ARHGEF28: variants seen among roughly 807,000 people sequenced by gnomAD.
The protein encoded by ARHGEF28 is 190 kDa guanine nucleotide exchange factor.
In ARHGEF28, 152 loss-of-function variants were observed where a neutral mutation model predicts 206.6. That is an observed-to-expected ratio of 0.74 (90% CI 0.64 to 0.84). The LOEUF (loss-of-function observed/expected upper bound fraction) is 0.84, where lower values mean the gene tolerates loss of function less well. Ranked by LOEUF, ARHGEF28 falls within the 40% of genes least tolerant of loss-of-function variation. ARHGEF28 has a pLI of 0.00. For missense variants in ARHGEF28, 2,028 were observed against 2,073.2 expected, an observed-to-expected ratio of 0.98 and a Z score of 0.42; for synonymous variants, 763 against 776.4, an observed-to-expected ratio of 0.98 and a Z score of 0.29.
chr5:73,801,537 G>C (rs893884915), intron 9 of ARHGEF28, among the ~76,000 whole-genome samples: 16 of 152,146 alleles, frequency 1.1e-4, no homozygotes, highest in African/African-American at 3.4e-4. Context: ...AGTGGAAGCT[G>C]ACCCTCTTGG....
At position 73,909,852 on chromosome 5, in the gene ARHGEF28, C is replaced by G; in HGVS notation, c.4602C>G (p.Gly1534=). ...GCCTGCTGGGCCACTGGAAGCACGGCCGGCAGAGGAGCCTGCCCGCGGTGC... is the reference window on the plus strand; with the variant it reads ...GCCTGCTGGGCCACTGGAAGCACGGGCGGCAGAGGAGCCTGCCCGCGGTGC... The part of the protein sequence containing the change: ...QQSLLGHWKH[G]RQRSLPAVLL... Residue 1534 remains glycine (G), a synonymous_variant, in exon 34 of 36, where the codon GGC becomes GGG. Transcript: ENST00000513042. 1.3e-6 allele frequency: 2 copies of G among 1,539,184 alleles called. No individual in the cohort carries two copies. The highest frequency in any genetic ancestry group is 1.7e-6 in the Non-Finnish European group (2 of 1,155,392).
chr5:73,699,173 G>T (rs1249920653), intron 2 of ARHGEF28, among the ~76,000 whole-genome samples: 1 of 151,992 alleles, frequency 6.6e-6, no homozygotes, highest in Non-Finnish European at 1.5e-5. Flanking sequence ...GTGTATGTGT[G>T]TGTGTGTGTA....
intron 7 of ARHGEF28, among the ~76,000 whole-genome samples, chr5:73,793,798 CTT>C (rs35889342): frequency 0.35 from 49,228 of 142,222 alleles, 9,440 homozygotes; most frequent in Non-Finnish European, 0.44. Flanking sequence ...TTGGGTGAAC[CTT>C]TTTTTTTTTT....
At chr5:73,872,087 A>G (rs975239315) in intron 21 of ARHGEF28, among the ~76,000 whole-genome samples, 4 of 152,150 alleles carry the variant, frequency 2.6e-5, no homozygotes, top group African/African-American at 9.7e-5. Context: ...AAGCAGCTAT[A>G]CCATTTTGCA....
chr5:73,776,623 C>G lies in ARHGEF28; in HGVS notation c.767C>G (p.Thr256Arg), dbSNP rs771722498. Residue 256 changes from threonine to arginine, a missense_variant, in exon 6 of 36, where the codon ACA (threonine) becomes AGA (arginine). Physicochemically the swap from Thr to Arg is moderately conservative, Grantham distance 71 (BLOSUM62 -1). Around this residue, in one of 3 missense-constraint regions of ARHGEF28, gnomAD observed 1,002 missense variants for 1,015.3 expected, o/e 0.99. Transcript: ENST00000513042. ...ACGCTGACCCTGACCCTGAACCACA[C>G]AGCCGAGCATTTGTTGGAGGCAGAT... is the stretch of plus-strand genomic sequence containing the variant. ...SETLTLTLNH[T>R]AEHLLEADIK... The G allele has an allele frequency of 1.2e-6, 2 of 1,613,896 alleles. No homozygotes were observed. The highest frequency in any genetic ancestry group is 1.7e-6 in the Non-Finnish European group (2 of 1,179,790).
chr5:73,887,925 T>C (rs1032974412), intron 26 of ARHGEF28, among the ~76,000 whole-genome samples: 1 of 152,188 alleles, frequency 6.6e-6, no homozygotes, highest in African/African-American at 2.4e-5. Flanking sequence ...TAGCCAACTG[T>C]GAGAATATTG....
intron 4 of ARHGEF28, among the ~76,000 whole-genome samples, chr5:73,761,997 ATTT>A (rs36121449): frequency 1.4e-5 from 2 of 137,994 alleles, no homozygotes; most frequent in Admixed American, 7.3e-5. Context: ...CAACTGGGTA[ATTT>A]TTTTTTTTTT....
At chr5:73,874,930 A>T (rs1175333277) in intron 22 of ARHGEF28, among the ~76,000 whole-genome samples, 2 of 151,600 alleles carry the variant, frequency 1.3e-5, no homozygotes, top group Non-Finnish European at 1.5e-5. Context: ...TTGGGTATAT[A>T]TCCAGTGATG....
intron 22 of ARHGEF28, among the ~76,000 whole-genome samples, chr5:73,880,645 A>C (rs2112661572): frequency 6.6e-6 from 1 of 152,278 alleles, no homozygotes; most frequent in Non-Finnish European, 1.5e-5. Context: ...AAGGATTTAC[A>C]GTTTTTGCTG....
chr5:73,846,142 A>C, intron 11 of ARHGEF28, 126 bp from the exon 12 acceptor site: 1 of 811,070 alleles, frequency 1.2e-6, no homozygotes, highest in Non-Finnish European at 1.9e-6. Context: ...ACTAGTTGGA[A>C]ATTAAATGAA....
chr5:73,640,412 A>G (rs1744000645), intron 1 of ARHGEF28, among the ~76,000 whole-genome samples: 1 of 152,246 alleles, frequency 6.6e-6, no homozygotes, highest in Non-Finnish European at 1.5e-5. Flanking sequence ...CCAGTTTGGC[A>G]GAGATATGAT....
intron 1 of ARHGEF28, among the ~76,000 whole-genome samples, chr5:73,629,245 C>T (rs1330075597): frequency 6.6e-6 from 1 of 151,928 alleles, no homozygotes; most frequent in Non-Finnish European, 1.5e-5. Flanking sequence ...TGCACATAAC[C>T]CCAACACTTT....
chr5:73,841,167 A>T (rs1190617644), intron 11 of ARHGEF28, among the ~76,000 whole-genome samples: 1 of 152,208 alleles, frequency 6.6e-6, no homozygotes, highest in Non-Finnish European at 1.5e-5. Context: ...TATATGGAGT[A>T]TTATTATAGC....
At chr5:73,766,779 A>G (rs1752917268) in intron 4 of ARHGEF28, among the ~76,000 whole-genome samples, 1 of 152,268 alleles carries the variant, frequency 6.6e-6, no homozygotes, top group African/African-American at 2.4e-5. Flanking sequence ...CATTTTTGGA[A>G]AACACAGCAG....
intron 9 of ARHGEF28, among the ~76,000 whole-genome samples, chr5:73,822,312 A>G (rs975292983): frequency 6.6e-6 from 1 of 152,170 alleles, no homozygotes; most frequent in Non-Finnish European, 1.5e-5. Context: ...TTTCTAAAGG[A>G]TCCCAGGAAG....
chr5:73,681,327 C>T (rs1747085638), intron 1 of ARHGEF28, among the ~76,000 whole-genome samples: 1 of 152,040 alleles, frequency 6.6e-6, no homozygotes, highest in South Asian at 2.1e-4. Flanking sequence ...TTTTAAATGC[C>T]TTCTTGATAA....
intron 2 of ARHGEF28, among the ~76,000 whole-genome samples, chr5:73,726,134 A>G (rs1294039978): frequency 6.6e-6 from 1 of 152,200 alleles, no homozygotes; most frequent in African/African-American, 2.4e-5. Context: ...AGTTTAAACC[A>G]GGGGAGAAAG....
chr5:73,728,732 A>G (rs1240924429), intron 2 of ARHGEF28, among the ~76,000 whole-genome samples: 1 of 152,146 alleles, frequency 6.6e-6, no homozygotes, highest in African/African-American at 2.4e-5. Context: ...GTGCTGCCAA[A>G]CGACTCCAGG....
intron 2 of ARHGEF28, among the ~76,000 whole-genome samples, chr5:73,686,590 C>A (rs1747490204): frequency 6.7e-6 from 1 of 150,230 alleles, no homozygotes; most frequent in Admixed American, 6.6e-5. Flanking sequence ...GCGGTCTCGG[C>A]TCACTGCAAG....
Sources: gnomAD v4.1 joint callset for allele counts (sites outside exome capture counted in the v4.1 genomes callset) on GRCh38, gnomAD v4.1.1 for gene constraint, gnomAD v4.1.1 regional missense constraint, MANE v1.5 for transcripts, NCBI Gene and HGNC (gene_info 2026-07-23, HGNC 2026-07-21) for gene names.